TNPO3: variants seen among roughly 807,000 people sequenced by gnomAD.
TNPO3 encodes transportin 3.
A neutral mutation model predicts 122.8 loss-of-function variants in TNPO3; 65 were observed. That is an observed-to-expected ratio of 0.53 (90% CI 0.43 to 0.65). The LOEUF is 0.65. TNPO3 is among the 30% of genes least tolerant of loss of function. TNPO3 has a pLI of 0.00. For missense variants in TNPO3, 850 were observed against 1,136.7 expected, an observed-to-expected ratio of 0.75 and a Z score of 3.63; for synonymous variants, 372 against 411.2, an observed-to-expected ratio of 0.90 and a Z score of 1.15.
At chr7:128,981,176 A>G (rs934719615) in intron 14 of TNPO3, among the ~76,000 whole-genome samples, 19 of 152,248 alleles carry the variant, frequency 1.2e-4, no homozygotes, top group Admixed American at 6.5e-5. Context: ...TCTCCTAATT[A>G]TAAAAGGAAA....
rs2150586075 is a variant in TNPO3, at chr7:129,054,695, C to T, written c.76G>A (p.Gly26Arg). 8 of 1,614,222 alleles carry T rather than the reference C, an allele frequency of 5.0e-6. No individual in the cohort carries two copies. The highest frequency in any genetic ancestry group is 6.8e-6 in the Non-Finnish European group (8 of 1,180,044). The change falls in exon 1 of 23, where the codon GGA (glycine) becomes AGA (arginine). Residue 26 changes from glycine to arginine, a missense_variant. Coordinates refer to ENST00000265388, the MANE Select transcript of TNPO3 (RefSeq NM_012470.4). ...AGCCAAAAAGAGGCGCGCTCCTTTC[C>T]GCTGGGATCTGGGTCGTGGTAAAGC... is the stretch of plus-strand genomic sequence containing the variant. ...QALYHDPDPS[G>R]KERASFWLGE...
At chr7:129,012,497 G>A (rs775240974) in intron 4 of TNPO3, among the ~76,000 whole-genome samples, 3 of 152,000 alleles carry the variant, frequency 2.0e-5, no homozygotes, top group Non-Finnish European at 4.4e-5. Context: ...CCAACATAAC[G>A]CTCAAAGGGA....
rs369577289 is a variant in TNPO3, at chr7:128,992,052, C to T, written c.1305G>A (p.Glu435=). ...TGATAAAGAGAACCGCTTCTGTCAC[C>T]TCCCAGGGTGGGTTGCCTTCTTTCA... ...STLKEGNPPW[E]VTEAVLFIMA... Residue 435 remains glutamate, a synonymous_variant, in exon 10 of 23, where the codon GAG becomes GAA. Coordinates refer to ENST00000265388, the MANE Select transcript of TNPO3 (RefSeq NM_012470.4). The T allele has an allele frequency of 8.7e-6, 14 of 1,609,308 alleles. No homozygotes were observed. The highest frequency in any genetic ancestry group is 3.3e-4 in the Middle Eastern group (2 of 6,042).
At chr7:129,012,003 CTTTTTTT>C (rs1174882837) in intron 4 of TNPO3, among the ~76,000 whole-genome samples, 18 of 131,714 alleles carry the variant, frequency 1.4e-4, no homozygotes, top group African/African-American at 3.7e-4. Context: ...CTTTTTCTTT[CTTTTTTT>C]TTTTTTTTTT....
At chr7:129,022,137 C>T (rs940882605) in intron 1 of TNPO3, among the ~76,000 whole-genome samples, 1 of 152,050 alleles carries the variant, frequency 6.6e-6, no homozygotes, top group Non-Finnish European at 1.5e-5. Context: ...GTAATCCCAG[C>T]ATTTTAGGAG....
At chr7:128,957,450 C>A (rs1358907289) in intron 21 of TNPO3, 135 bp from the exon 22 acceptor site, 1 of 849,180 alleles carries the variant, frequency 1.2e-6, no homozygotes, top group Non-Finnish European at 1.9e-6. Flanking sequence ...CCTGAGCGAT[C>A]CTGGCTTCAG....
intron 1 of TNPO3, 61 bp downstream of exon 1, chr7:129,054,590 G>A: frequency 6.2e-7 from 1 of 1,601,504 alleles, no homozygotes; most frequent in East Asian, 2.2e-5. Context: ...TTCTCCCCCG[G>A]AGCCTAGGTT....
At chr7:129,027,576 A>AC (rs1805365171) in intron 1 of TNPO3, among the ~76,000 whole-genome samples, 1 of 138,356 alleles carries the variant, frequency 7.2e-6, no homozygotes, top group South Asian at 2.5e-4. Flanking sequence ...AAAAAAAAAA[A>AC]AAAAAAAAAA....
At chr7:128,976,471 ACATT>A (rs972609405) in intron 16 of TNPO3, among the ~76,000 whole-genome samples, 1 of 152,126 alleles carries the variant, frequency 6.6e-6, no homozygotes, top group African/African-American at 2.4e-5. Flanking sequence ...CACAATATGC[ACATT>A]ATTATTTTTT....
rs544004130 is a variant in TNPO3, at chr7:129,012,059, G to A, written c.552+2920C>T. On this transcript the variant is annotated intron_variant, in intron 4 of 22. Coordinates refer to ENST00000265388, the MANE Select transcript of TNPO3 (RefSeq NM_012470.4). ...CTCCCTCTGTTGCCCAGACTGGAGT[G>A]CAGTGGTGCAATCTTGGCTCACTGC... Among the ~76,000 whole-genome samples the A allele has an allele frequency of 1.3e-3, 172 of 136,936 alleles. 1 individual carries two copies. The highest frequency in any genetic ancestry group is 4.6e-3 in the African/African-American group (163 of 35,692). 89.8% of individuals were successfully genotyped at this position (136,936 alleles called of 152,430 possible).
chr7:129,050,179 C>T (rs769730640), intron 1 of TNPO3, among the ~76,000 whole-genome samples: 6 of 151,658 alleles, frequency 4.0e-5, no homozygotes, highest in African/African-American at 9.7e-5. Flanking sequence ...GTCAGGAGAC[C>T]GAGACCATCC....
chr7:129,005,286 T>C, intron 4 of TNPO3, 127 bp from the exon 5 acceptor site: 1 of 888,202 alleles, frequency 1.1e-6, no homozygotes, highest in Non-Finnish European at 1.6e-6. Context: ...AAAGTGCTTT[T>C]TAAGTTTAAG....
intron 9 of TNPO3, 152 bp from the exon 10 acceptor site, chr7:128,992,242 T>TA: frequency 2.1e-6 from 1 of 477,934 alleles, no homozygotes; most frequent in South Asian, 3.2e-5. Context: ...TTCTTTTTTT[T>TA]ATATCATCAC....
At chr7:128,977,217 T>G (rs1009001191) in intron 16 of TNPO3, among the ~76,000 whole-genome samples, 27 of 152,194 alleles carry the variant, frequency 1.8e-4, no homozygotes, top group Non-Finnish European at 7.3e-5. Context: ...TGCTACCTAC[T>G]CTATTGGGTT....
intron 1 of TNPO3, among the ~76,000 whole-genome samples, chr7:129,024,558 G>A (rs958575044): frequency 6.6e-6 from 1 of 152,130 alleles, no homozygotes; most frequent in African/African-American, 2.4e-5. Flanking sequence ...TTGATGAAAG[G>A]AGATACCACA....
chr7:128,963,737 G>A (rs985939738), intron 21 of TNPO3, among the ~76,000 whole-genome samples: 2 of 152,212 alleles, frequency 1.3e-5, no homozygotes, highest in African/African-American at 4.8e-5. Flanking sequence ...CATTCCAGAA[G>A]ATGAGAAAGT....
intron 1 of TNPO3, among the ~76,000 whole-genome samples, chr7:129,031,546 A>C (rs940939533): frequency 1.3e-5 from 2 of 152,254 alleles, no homozygotes; most frequent in African/African-American, 4.8e-5. Flanking sequence ...AGATTAAATC[A>C]GTAATGAAAA....
In TNPO3 at chr7:128,990,094, G is replaced by C. The variant is rs1177744213; in HGVS notation, c.1365C>G (p.Asn455Lys). The change falls in exon 11 of 23, where the codon AAC (asparagine) becomes AAG (lysine). Residue 455 changes from asparagine (N) to lysine (K), a missense_variant. Transcript: ENST00000265388. ...CTAGGACTTCCACAAGTGTTGGATT[G>C]TTTTCCCTGAGTACAGGCGGTAAGT... ...AAIAKSVDPE[N>K]NPTLVEVLEG... The C allele has an allele frequency of 3.7e-6, 6 of 1,614,078 alleles. No individual in the cohort carries two copies. The highest frequency in any genetic ancestry group is 5.1e-6 in the Non-Finnish European group (6 of 1,180,036).
At chr7:128,996,327 C>T (rs1167859412) in intron 8 of TNPO3, among the ~76,000 whole-genome samples, 1 of 152,056 alleles carries the variant, frequency 6.6e-6, no homozygotes, top group Non-Finnish European at 1.5e-5. Context: ...TTCTTTTAAA[C>T]TACAAAATCA....
Sources: gnomAD v4.1 joint callset for allele counts (sites outside exome capture counted in the v4.1 genomes callset) on GRCh38, gnomAD v4.1.1 for gene constraint, MANE v1.5 for transcripts, NCBI Gene and HGNC (gene_info 2026-07-23, HGNC 2026-07-21) for gene names.